The following ARK2C variants were observed in gnomAD, a reference collection of about 807,000 sequenced individuals.
ARK2C encodes arkadia (RNF111) C-terminal like ring finger ubiquitin ligase 2C.
At chr18:46,336,950 G>A in the ARK2C span, 3 of 985,400 alleles carry the variant, frequency 3.0e-6, no homozygotes, top group South Asian at 4.7e-5. Context: ...GGTGCACCAA[G>A]GTCCCTGGCT....
At chr18:46,390,379 G>C in the ARK2C span, among the ~76,000 whole-genome samples, 1 of 152,224 alleles carries the variant, frequency 6.6e-6, no homozygotes, top group African/African-American at 2.4e-5. Flanking sequence ...TTAAGCCAGA[G>C]TTGGGGACTT....
chr18:46,348,913 T>C, the ARK2C span, among the ~76,000 whole-genome samples: 72,809 of 145,614 alleles, frequency 0.5, 18,804 homozygotes, highest in East Asian at 0.61. Flanking sequence ...TGTGTGTGTG[T>C]GTGTGTGTGT....
At chr18:46,360,489 A>G in the ARK2C span, among the ~76,000 whole-genome samples, 2 of 152,224 alleles carry the variant, frequency 1.3e-5, no homozygotes, top group Admixed American at 1.3e-4. Context: ...CTCATTTACA[A>G]ACAGACCCTG....
At chr18:46,394,199 C>A in the ARK2C span, among the ~76,000 whole-genome samples, 2 of 152,194 alleles carry the variant, frequency 1.3e-5, no homozygotes, top group East Asian at 3.9e-4. Context: ...AGGGCAAAAA[C>A]AAGGGCCTGA....
At chr18:46,441,952 C>T in the ARK2C span, among the ~76,000 whole-genome samples, 1 of 150,734 alleles carries the variant, frequency 6.6e-6, no homozygotes, top group African/African-American at 2.4e-5. Flanking sequence ...ATCACGAGGT[C>T]AGGGGATCGA....
chr18:46,367,400 C>A, the ARK2C span, among the ~76,000 whole-genome samples: 12 of 152,118 alleles, frequency 7.9e-5, no homozygotes, highest in Non-Finnish European at 1.6e-4. Context: ...AGGTAGGAAA[C>A]AATTTGTCCA....
chr18:46,438,334 C>T, the ARK2C span, among the ~76,000 whole-genome samples: 1,020 of 152,316 alleles, frequency 6.7e-3, 9 homozygotes, highest in African/African-American at 0.023. Flanking sequence ...GTTCGAGGAA[C>T]CACATCCCCT....
chr18:46,458,926 G>A, the ARK2C span: 1 of 152,228 alleles, frequency 6.6e-6, no homozygotes, highest in Non-Finnish European at 1.5e-5. Flanking sequence ...TGTCTCCAGG[G>A]CTAAAGGCTG....
the ARK2C span, among the ~76,000 whole-genome samples, chr18:46,382,360 C>T: frequency 2.4e-4 from 36 of 152,330 alleles, no homozygotes; most frequent in Non-Finnish European, 4.6e-4. Context: ...AGATTTACTA[C>T]ATAGCTCAGA....
At chr18:46,399,609 G>A in the ARK2C span, among the ~76,000 whole-genome samples, 4 of 152,178 alleles carry the variant, frequency 2.6e-5, no homozygotes, top group Non-Finnish European at 5.9e-5. Flanking sequence ...CTGGCAATGA[G>A]TGTCCAGTGC....
chr18:46,456,127 T>C, the ARK2C span: 1 of 1,148,874 alleles, frequency 8.7e-7, no homozygotes, highest in Non-Finnish European at 1.3e-6. Flanking sequence ...TTATAGGTAT[T>C]GGTGACCAAT....
the ARK2C span, among the ~76,000 whole-genome samples, chr18:46,346,486 T>C: frequency 6.6e-6 from 1 of 152,130 alleles, no homozygotes; most frequent in Non-Finnish European, 1.5e-5. Context: ...TTGCTGGGAC[T>C]TCTTGGGGGC....
At chr18:46,401,347 C>T in the ARK2C span, among the ~76,000 whole-genome samples, 6 of 152,274 alleles carry the variant, frequency 3.9e-5, no homozygotes, top group South Asian at 8.3e-4. Flanking sequence ...TCTCCCATCA[C>T]CAACATCAAA....
At chr18:46,444,705 T>C in the ARK2C span, among the ~76,000 whole-genome samples, 2 of 152,024 alleles carry the variant, frequency 1.3e-5, no homozygotes, top group Non-Finnish European at 2.9e-5. Context: ...ACTTCTGGAC[T>C]AAAATGATCC....
the ARK2C span, among the ~76,000 whole-genome samples, chr18:46,439,037 A>G: frequency 1.3e-5 from 2 of 152,210 alleles, no homozygotes; most frequent in African/African-American, 4.8e-5. Context: ...TGTGGTGTGC[A>G]TGGAGTCTGT....
At chr18:46,417,122 C>T in the ARK2C span, among the ~76,000 whole-genome samples, 9 of 152,236 alleles carry the variant, frequency 5.9e-5, no homozygotes, top group African/African-American at 2.2e-4. Flanking sequence ...CAAATCTTGT[C>T]ACCTGTACCC....
At chr18:46,369,935 C>T in the ARK2C span, among the ~76,000 whole-genome samples, 1 of 151,702 alleles carries the variant, frequency 6.6e-6, no homozygotes, top group African/African-American at 2.4e-5. Context: ...TGCTGGCCCT[C>T]CACACACACA....
chr18:46,441,732 C>G, the ARK2C span, among the ~76,000 whole-genome samples: 1 of 150,368 alleles, frequency 6.7e-6, no homozygotes, highest in Non-Finnish European at 1.5e-5. Flanking sequence ...ACTAAAAATA[C>G]AAAAAATTAG....
chr18:46,392,145 C>T, the ARK2C span, among the ~76,000 whole-genome samples: 1 of 152,022 alleles, frequency 6.6e-6, no homozygotes, highest in Admixed American at 6.6e-5. Flanking sequence ...ACAACAAACA[C>T]ACATGCACAC....
Sources: allele counts gnomAD v4.1 joint callset (sites outside exome capture counted in the v4.1 genomes callset), GRCh38; gene constraint gnomAD v4.1.1; transcripts MANE v1.5; gene names NCBI Gene and HGNC (gene_info 2026-07-23, HGNC 2026-07-21).